Variants in SMAD2 observed in about 807,000 individuals in gnomAD.
SMAD2 encodes MAD homolog 2.
Under a neutral mutation model 64.4 loss-of-function variants are expected in SMAD2, and 8 were observed. That is an observed-to-expected ratio of 0.12 (90% confidence interval 0.07 to 0.22). The LOEUF (loss-of-function observed/expected upper bound fraction) is 0.22. Among genes scored for constraint, SMAD2 ranks in the 10% least tolerant of loss-of-function variants. The probability of loss-of-function intolerance (pLI) is 1.00; values close to 1 mark genes in which losing one functional copy is unlikely to be tolerated. For missense variants in SMAD2, 289 were observed against 561.2 expected, an observed-to-expected ratio of 0.51 and a Z score of 4.90; for synonymous variants, 203 against 195.8, an observed-to-expected ratio of 1.04 and a Z score of -0.31.
At chr18:47,870,813 C>G (rs1225675433) in intron 2 of SMAD2, among the ~76,000 whole-genome samples, 2 of 152,188 alleles carry the variant, frequency 1.3e-5, no homozygotes, top group Non-Finnish European at 2.9e-5. Context: ...CCAACGCCCT[C>G]TAGCTCAATG....
chr18:47,874,765 GTTAC>G (rs901681879), intron 2 of SMAD2, among the ~76,000 whole-genome samples: 1 of 152,150 alleles, frequency 6.6e-6, no homozygotes, highest in Admixed American at 6.5e-5. Context: ...ATGGACAGTA[GTTAC>G]TTGAGGTGCA....
rs760305024 is a variant in SMAD2, at chr18:47,826,345, C to G, written c.*15482G>C. ...CTGCATTTAAGGCTCCAATTCTTCA[C>G]CCCTCCTATGTTCTCTCCCTTGGTC... On this transcript the variant is annotated 3_prime_UTR_variant, in exon 11 of 11. Coordinates refer to ENST00000262160, the MANE Select transcript of SMAD2 (RefSeq NM_005901.6). The G allele has an allele frequency of 1.3e-5, 2 of 152,268 alleles. No individual in the cohort carries two copies. The highest frequency in any genetic ancestry group is 4.8e-5 in the African/African-American group (2 of 41,452). The allele number at this position is 152,268 out of a possible 1,614,324, so 9.4% of individuals were successfully genotyped here.
In SMAD2 at chr18:47,823,880, C is replaced by T. The variant is rs970181891; in HGVS notation, c.*17947G>A. ...ATTTTCTGCAGAAAGAAGTACAATT[C>T]CTAACAGAATAATGCTAGCCCAGCA... On this transcript the variant is annotated 3_prime_UTR_variant, in exon 11 of 11. Coordinates refer to ENST00000262160, the MANE Select transcript of SMAD2 (RefSeq NM_005901.6). 6.6e-6 allele frequency: 1 copy of T among 152,118 alleles called. No homozygotes were observed. Among genetic ancestry groups the T allele is most frequent in the South Asian group, 2.1e-4 (1 of 4,830 alleles). The allele number at this position is 152,118 out of a possible 1,614,324, so 9.4% of individuals were successfully genotyped here. A position where few individuals can be genotyped will look rare whatever the true frequency, so the allele number is the denominator to read the frequency against.
intron 1 of SMAD2, among the ~76,000 whole-genome samples, chr18:47,919,097 A>G (rs887632365): frequency 6.6e-6 from 1 of 152,174 alleles, no homozygotes; most frequent in African/African-American, 2.4e-5. Flanking sequence ...AGGAAAAAAA[A>G]TAGGTTATAT....
rs2144218692 is a variant in SMAD2 at position 47,809,445 on chromosome 18, A to C, written c.*32382T>G. 6.6e-6 allele frequency: 1 copy of C among 152,452 alleles called. No homozygotes were observed. Among genetic ancestry groups the C allele is most frequent in the East Asian group, 1.9e-4 (1 of 5,190 alleles). The allele number at this position is 152,452 out of a possible 1,614,324, so 9.4% of individuals were successfully genotyped here. ...ATAACCTGTGGGGGAATTGTGAAGTAGACTAGCCAGTGTAGATGTGTGCAC... is the reference window on the plus strand; with the variant it reads ...ATAACCTGTGGGGGAATTGTGAAGTCGACTAGCCAGTGTAGATGTGTGCAC... On this transcript the variant is annotated 3_prime_UTR_variant, in exon 11 of 11. Transcript: ENST00000262160.
In SMAD2 at chr18:47,841,099, T is replaced by C. The variant is rs943778793; in HGVS notation, c.*728A>G. The C allele has an allele frequency of 2.2e-5, 5 of 232,026 alleles. No individual in the cohort carries two copies. In the East Asian group the frequency reaches 2.4e-4, roughly 11 times the overall value. The allele number at this position is 232,026 out of a possible 1,614,324, so 14.4% of individuals were successfully genotyped here. On this transcript the variant is annotated 3_prime_UTR_variant, in exon 11 of 11. Transcript: ENST00000262160. ...AAAAATGGGAATGGAAAAAAGAGGCTTGGAAAGGTTTTCAGTATGGTTTCC... is the reference window on the plus strand; with the variant it reads ...AAAAATGGGAATGGAAAAAAGAGGCCTGGAAAGGTTTTCAGTATGGTTTCC...
At chr18:47,843,965 CA>C (rs943041024) in intron 10 of SMAD2, among the ~76,000 whole-genome samples, 183 of 65,358 alleles carry the variant, frequency 2.8e-3, no homozygotes, top group African/African-American at 6.6e-3. Context: ...TTCTGAAGAA[CA>C]AAAAAAAGTC....
rs1266312503 is a variant in SMAD2 at position 47,850,659 on chromosome 18, T to A, written c.784+615A>T. On this transcript the variant is annotated intron_variant, in intron 7 of 10. Coordinates refer to ENST00000262160, the MANE Select transcript of SMAD2 (RefSeq NM_005901.6). Reference sequence around the variant, plus strand: ...TATATATATTATGTATAATATATATTATATACTATATATATATTATATATA... The same window carrying A: ...TATATATATTATGTATAATATATATAATATACTATATATATATTATATATA... 6.1e-4 allele frequency among the ~76,000 whole-genome samples: 11 copies of A among 17,966 alleles called. No homozygotes were observed. In the East Asian group the frequency reaches 0.018, roughly 30 times the overall value. 11.8% of individuals were successfully genotyped at this position (17,966 alleles called of 152,430 possible). A position where few individuals can be genotyped will look rare whatever the true frequency, so the allele number is the denominator to read the frequency against.
At chr18:47,850,305 ATGTATGT>A (rs1915089084) in intron 7 of SMAD2, among the ~76,000 whole-genome samples, 2 of 39,400 alleles carry the variant, frequency 5.1e-5, no homozygotes, top group African/African-American at 2.1e-4. Flanking sequence ...AATATATATT[ATGTATGT>A]TATATACATA....
At chr18:47,845,615 AC>A in intron 9 of SMAD2, 47 bp downstream of exon 9, 7 of 1,609,066 alleles carry the variant, frequency 4.4e-6, no homozygotes, top group Non-Finnish European at 6.0e-6. Context: ...AACAAGAAAA[AC>A]TAAGCAAGTT....
rs1370105585 is a variant in SMAD2, at chr18:47,832,096, A to G, written c.*9731T>C. ...TCCTGCACTAAGAGGCTTTCAATCT[A>G]TTTTGAAGAGGGAAAAACAGAATAT... On this transcript the variant is annotated 3_prime_UTR_variant, in exon 11 of 11. Transcript: ENST00000262160. 6.6e-6 allele frequency: 1 copy of G among 152,202 alleles called. No individual in the cohort carries two copies. Among genetic ancestry groups the G allele is most frequent in the Non-Finnish European group, 1.5e-5 (1 of 68,036 alleles). 9.4% of individuals were successfully genotyped at this position (152,202 alleles called of 1,614,324 possible). A position where few individuals can be genotyped will look rare whatever the true frequency, so the allele number is the denominator to read the frequency against.
At chr18:47,921,888 A>C (rs2034575495) in intron 1 of SMAD2, among the ~76,000 whole-genome samples, 1 of 152,240 alleles carries the variant, frequency 6.6e-6, no homozygotes. Context: ...CAGTAAGAAG[A>C]ATGGGCCTAA....
intron 1 of SMAD2, among the ~76,000 whole-genome samples, chr18:47,907,466 G>A: frequency 6.6e-6 from 1 of 152,162 alleles, no homozygotes; most frequent in Non-Finnish European, 1.5e-5. Flanking sequence ...CTAATGACAA[G>A]TCAAGATGAC....
At chr18:47,868,494 A>C in intron 4 of SMAD2, 37 bp from the exon 5 acceptor site, 1 of 1,590,150 alleles carries the variant, frequency 6.3e-7, no homozygotes, top group East Asian at 2.2e-5. Flanking sequence ...AATGGCAAAG[A>C]GCAAAGGGGA....
intron 6 of SMAD2, among the ~76,000 whole-genome samples, chr18:47,853,022 G>C (rs1031970828): frequency 2.6e-5 from 4 of 152,112 alleles, no homozygotes; most frequent in Non-Finnish European, 4.4e-5. Flanking sequence ...TGTATACCAA[G>C]AGCATAATTG....
At chr18:47,872,597 G>T (rs914937815) in intron 2 of SMAD2, among the ~76,000 whole-genome samples, 1 of 152,180 alleles carries the variant, frequency 6.6e-6, no homozygotes, top group Non-Finnish European at 1.5e-5. Flanking sequence ...ACAGCAGAAG[G>T]TGAGCAGCAG....
At chr18:47,882,041 C>CTTTTT (rs71162900) in intron 2 of SMAD2, among the ~76,000 whole-genome samples, 1,984 of 38,844 alleles carry the variant, frequency 0.051, 523 homozygotes, top group Middle Eastern at 0.1. Context: ...CCACGCTTGG[C>CTTTTT]TTTTTTTTTT....
intron 1 of SMAD2, among the ~76,000 whole-genome samples, chr18:47,927,536 T>C (rs760873563): frequency 7.9e-5 from 12 of 152,256 alleles, no homozygotes; most frequent in Non-Finnish European, 1.8e-4. Flanking sequence ...AGAGACTTTA[T>C]TGCCTAGTCC....
At chr18:47,908,415 T>C (rs2033990643) in intron 1 of SMAD2, among the ~76,000 whole-genome samples, 2 of 152,094 alleles carry the variant, frequency 1.3e-5, no homozygotes, top group Admixed American at 1.3e-4. Context: ...CAAAATGTCT[T>C]GGAGATTTGA....
Sources: allele counts gnomAD v4.1 joint callset (sites outside exome capture counted in the v4.1 genomes callset), GRCh38; gene constraint gnomAD v4.1.1; transcripts MANE v1.5; gene names NCBI Gene and HGNC (gene_info 2026-07-23, HGNC 2026-07-21).